DNMBP: variants seen among roughly 807,000 people sequenced by gnomAD.
DNMBP encodes the protein dynamin-binding protein.
A neutral mutation model predicts 150.0 loss-of-function variants in DNMBP; 87 were observed. The ratio of observed to expected loss-of-function variants is 0.58; its 90% CI spans 0.49 to 0.69. The LOEUF is 0.69. Among genes scored for constraint, DNMBP ranks in the 30% least tolerant of loss-of-function variants. DNMBP has a pLI of 0.00. For synonymous variants in DNMBP, 711 were observed against 750.4 expected (o/e 0.95, Z 0.86); for missense variants, 1,774 against 1,949.0 (o/e 0.91, Z 1.69).
intron 16 of DNMBP, among the ~76,000 whole-genome samples, chr10:99,877,904 TAG>T (rs572664828): frequency 1.4e-3 from 208 of 152,156 alleles, no homozygotes; most frequent in African/African-American, 4.7e-3. Context: ...GGCAGATCAC[TAG>T]AGGTCAGGAG....
chr10:99,886,465 C>A lies in DNMBP; in HGVS notation c.3453G>T (p.Gln1151His), dbSNP rs140670564. The change falls in exon 13 of 17, where the codon CAG (glutamine) becomes CAT (histidine). Residue 1151 changes from glutamine (Q) to histidine (H), a missense_variant. Around this residue, in one of 2 missense-constraint regions of DNMBP, gnomAD observed 1,430 missense variants for 1,492.5 expected, o/e 0.96. Coordinates refer to ENST00000324109, the MANE Select transcript of DNMBP (RefSeq NM_015221.4). ...LKDKKTLEEL[Q>H]SARNNYEALN... ...GGGCCTCATAGTTGTTCCGGGCCGA[C>A]TGCAGCTCCTCCAGGGTCTTCTTGT... The A allele has an allele frequency of 1.6e-5, 26 of 1,614,062 alleles. No homozygotes were observed. Among genetic ancestry groups the A allele is most frequent in the Non-Finnish European group, 2.1e-5 (25 of 1,180,050 alleles).
At chr10:99,882,940 G>A (rs2039392814) in intron 15 of DNMBP, among the ~76,000 whole-genome samples, 1 of 152,084 alleles carries the variant, frequency 6.6e-6, no homozygotes, top group Non-Finnish European at 1.5e-5. Context: ...GGTGGTGCGT[G>A]CTACTTGTGA....
At chr10:99,935,107 A>G (rs1200772517) in intron 4 of DNMBP, among the ~76,000 whole-genome samples, 6 of 150,478 alleles carry the variant, frequency 4.0e-5, no homozygotes, top group African/African-American at 1.5e-4. Context: ...AAAAAAAAAA[A>G]AAAAAAGAAA....
intron 12 of DNMBP, among the ~76,000 whole-genome samples, chr10:99,888,066 G>T (rs775639793): frequency 1.3e-5 from 2 of 151,876 alleles, no homozygotes; most frequent in African/African-American, 4.8e-5. Flanking sequence ...CAGGTGATCC[G>T]CCCACCTCGG....
At chr10:100,005,786 C>CAAAAAAAAAAAAAAAAAAAAAAAAA (rs1589458237) in intron 1 of DNMBP, among the ~76,000 whole-genome samples, 4 of 101,076 alleles carry the variant, frequency 4.0e-5, no homozygotes, top group Middle Eastern at 5.6e-3. Context: ...AAAAAAAAAC[C>CAAAAAAAAAAAAAAAAAAAAAAAAA]AAACTACATA....
intron 8 of DNMBP, 63 bp from the exon 9 acceptor site, chr10:99,898,348 A>T (rs778577637): frequency 2.5e-5 from 35 of 1,411,706 alleles, no homozygotes; most frequent in Non-Finnish European, 3.5e-5. Context: ...GCCTGGGAAC[A>T]TCGTGAGACC....
chr10:99,939,121 CAA>C (rs879724371), intron 4 of DNMBP, among the ~76,000 whole-genome samples: 1 of 141,336 alleles, frequency 7.1e-6, no homozygotes. Context: ...AAAAGTGTGC[CAA>C]AAAAAAAAAG....
At chr10:99,994,143 C>A (rs1195282245) in intron 1 of DNMBP, among the ~76,000 whole-genome samples, 2 of 152,180 alleles carry the variant, frequency 1.3e-5, no homozygotes, top group Non-Finnish European at 2.9e-5. Flanking sequence ...GGAGCCCAGA[C>A]TCCAGTCAGA....
chr10:99,928,476 T>C (rs2040107672), intron 4 of DNMBP, among the ~76,000 whole-genome samples: 1 of 152,172 alleles, frequency 6.6e-6, no homozygotes, highest in African/African-American at 2.4e-5. Context: ...CCGTTTGGCA[T>C]GAAGACAACA....
chr10:99,972,147 A>ACC lies in DNMBP; in HGVS notation c.-10-14_-10-13insGG. The ACC allele has an allele frequency of 6.3e-7, 1 of 1,597,208 alleles. No homozygotes were observed. Among genetic ancestry groups the ACC allele is most frequent in the Non-Finnish European group, 8.5e-7 (1 of 1,174,844 alleles). On this transcript the variant is annotated splice_polypyrimidine_tract_variant and intron_variant, in intron 1 of 16. Coordinates refer to ENST00000324109, the MANE Select transcript of DNMBP (RefSeq NM_015221.4). ...CATGTTTTATAACCTGGAAAGATAGATCAAGAGAAATAGAAAACATCAATA... is the reference window on the plus strand; with the variant it reads ...CATGTTTTATAACCTGGAAAGATAGACCTCAAGAGAAATAGAAAACATCAATA...
intron 4 of DNMBP, among the ~76,000 whole-genome samples, chr10:99,939,994 A>G (rs190675815): frequency 3.0e-4 from 46 of 152,292 alleles, no homozygotes; most frequent in Admixed American, 2.6e-3. Flanking sequence ...CTGCCCTGGA[A>G]AAACCTCTGC....
chr10:99,936,515 C>CTTT (rs34804787), intron 4 of DNMBP, among the ~76,000 whole-genome samples: 2 of 134,352 alleles, frequency 1.5e-5, no homozygotes, highest in African/African-American at 2.8e-5. Context: ...TTTCTTTTTT[C>CTTT]TTTTTTTTTT....
intron 3 of DNMBP, among the ~76,000 whole-genome samples, chr10:99,960,782 T>C (rs762839124): frequency 1.2e-4 from 18 of 152,004 alleles, no homozygotes; most frequent in Admixed American, 1.3e-4. Context: ...CTCCAGCCTG[T>C]GTGACGAGAG....
chr10:99,933,155 G>A (rs1189899309), intron 4 of DNMBP, among the ~76,000 whole-genome samples: 1 of 151,668 alleles, frequency 6.6e-6, no homozygotes, highest in South Asian at 2.1e-4. Context: ...AATTAGCTGG[G>A]CACAGTGGCA....
Position 99,879,095 on chromosome 10 carries a change from A to C in DNMBP, c.4548+716T>G, listed in dbSNP as rs1290364963. 2.0e-5 allele frequency among the ~76,000 whole-genome samples: 3 copies of C among 150,414 alleles called. 1 individual carries two copies. In the South Asian group the frequency reaches 6.3e-4, roughly 32 times the overall value. The stretch of plus-strand genomic sequence containing the variant: ...GCAAGACTCTGTCTCAAAAAAAAAA[A>C]AAAAAACCCAAAACGTTTGAGATAC... On this transcript the variant is annotated intron_variant, in intron 16 of 16. Transcript: ENST00000324109.
intron 6 of DNMBP, among the ~76,000 whole-genome samples, chr10:99,902,619 T>TAAAAA (rs559947538): frequency 8.0e-6 from 1 of 125,208 alleles, no homozygotes; most frequent in East Asian, 2.4e-4. Context: ...TGCCTCCCTT[T>TAAAAA]AAAAAAAAAA....
chr10:99,968,329 C>T (rs1036632900), intron 3 of DNMBP, among the ~76,000 whole-genome samples: 9 of 152,110 alleles, frequency 5.9e-5, no homozygotes, highest in Non-Finnish European at 1.2e-4. Flanking sequence ...AAGCCGTACC[C>T]AGTTATTTTT....
At chr10:99,917,877 G>A (rs765382737) in intron 4 of DNMBP, among the ~76,000 whole-genome samples, 7 of 150,200 alleles carry the variant, frequency 4.7e-5, no homozygotes, top group Non-Finnish European at 8.8e-5. Flanking sequence ...GCTGAGGCAG[G>A]AGAATCCCTT....
At chr10:99,893,884 G>C (rs2039613392) in intron 11 of DNMBP, among the ~76,000 whole-genome samples, 1 of 152,134 alleles carries the variant, frequency 6.6e-6, no homozygotes, top group Non-Finnish European at 1.5e-5. Context: ...CTCTACAGAA[G>C]GTGACAAGGT....
Sources: gnomAD v4.1 joint callset for allele counts (sites outside exome capture counted in the v4.1 genomes callset) on GRCh38, gnomAD v4.1.1 for gene constraint, gnomAD v4.1.1 regional missense constraint, MANE v1.5 for transcripts, NCBI Gene and HGNC (gene_info 2026-07-23, HGNC 2026-07-21) for gene names.